SORCS3: variants seen among roughly 807,000 people sequenced by gnomAD.
The protein encoded by SORCS3 is sortilin related VPS10 domain containing receptor 3.
SORCS3 carries 57 observed loss-of-function variants against 146.3 expected under a neutral mutation model. The ratio of observed to expected loss-of-function variants is 0.39; its 90% CI spans 0.31 to 0.49. SORCS3 has a LOEUF of 0.49. Among genes scored for constraint, SORCS3 ranks in the 20% least tolerant of loss-of-function variants. The probability of loss-of-function intolerance (pLI) is 0.92; values close to 1 mark genes in which losing one functional copy is unlikely to be tolerated. For synonymous variants in SORCS3, 653 were observed against 618.5 expected (o/e 1.06, Z -0.83); for missense variants, 1,341 against 1,575.5 (o/e 0.85, Z 2.52).
chr10:105,129,333 T>TCTC (rs768332557), intron 7 of SORCS3, among the ~76,000 whole-genome samples: 2,527 of 60,160 alleles, frequency 0.042, 94 homozygotes, highest in East Asian at 0.25. Flanking sequence ...TTCTTTCTCT[T>TCTC]TTTTTTTTTT....
intron 1 of SORCS3, among the ~76,000 whole-genome samples, chr10:104,742,165 A>T (rs2016855534): frequency 6.6e-6 from 1 of 152,106 alleles, no homozygotes; most frequent in African/African-American, 2.4e-5. Flanking sequence ...AAGTTAGTTT[A>T]GATTGACACC....
chr10:104,655,528 A>C (rs1411228800), intron 1 of SORCS3, among the ~76,000 whole-genome samples: 8 of 152,190 alleles, frequency 5.3e-5, no homozygotes, highest in African/African-American at 1.9e-4. Flanking sequence ...TTTCTTTAAA[A>C]AAATTTAAAA....
At chr10:104,779,741 T>C (rs1230343938) in intron 1 of SORCS3, among the ~76,000 whole-genome samples, 1 of 152,074 alleles carries the variant, frequency 6.6e-6, no homozygotes, top group East Asian at 1.9e-4. Context: ...GATCAACATA[T>C]TCCCAGAGCT....
At chr10:105,153,688 G>A (rs901509282) in intron 9 of SORCS3, among the ~76,000 whole-genome samples, 1 of 151,216 alleles carries the variant, frequency 6.6e-6, no homozygotes, top group African/African-American at 2.4e-5. Context: ...TAGCTGTTCC[G>A]ATGGGGATTT....
chr10:104,769,018 T>C (rs1345023222), intron 1 of SORCS3, among the ~76,000 whole-genome samples: 1 of 152,224 alleles, frequency 6.6e-6, no homozygotes, highest in African/African-American at 2.4e-5. Context: ...CTTCACTTTG[T>C]TTCTTCCTTG....
chr10:104,688,693 C>G (rs1369040902), intron 1 of SORCS3, among the ~76,000 whole-genome samples: 1 of 152,144 alleles, frequency 6.6e-6, no homozygotes, highest in Non-Finnish European at 1.5e-5. Context: ...TTTTCACCCT[C>G]TCTCTCAGAT....
intron 2 of SORCS3, among the ~76,000 whole-genome samples, chr10:104,910,634 T>C (rs2018957116): frequency 2.6e-5 from 4 of 152,246 alleles, no homozygotes. Context: ...AAAAAGGTTA[T>C]GTGTTGTTTA....
chr10:105,042,532 A>C (rs372346407), intron 4 of SORCS3, among the ~76,000 whole-genome samples: 11 of 152,278 alleles, frequency 7.2e-5, no homozygotes, highest in Admixed American at 3.9e-4. Flanking sequence ...CAGACTCTAC[A>C]TTCAAAAAGT....
intron 3 of SORCS3, among the ~76,000 whole-genome samples, chr10:104,922,853 A>G (rs145553046): frequency 5.1e-4 from 77 of 152,166 alleles, no homozygotes; most frequent in African/African-American, 1.8e-3. Context: ...CACTTCGTAG[A>G]CTCTCTTGCT....
intron 8 of SORCS3, among the ~76,000 whole-genome samples, chr10:105,142,184 T>C (rs2056099774): frequency 6.6e-6 from 1 of 152,170 alleles, no homozygotes. Flanking sequence ...CTCTAATAAA[T>C]TGTTTCTACA....
intron 3 of SORCS3, among the ~76,000 whole-genome samples, chr10:104,920,688 AT>A (rs2019078308): frequency 6.6e-6 from 1 of 152,236 alleles, no homozygotes; most frequent in African/African-American, 2.4e-5. Flanking sequence ...GGTAGCTGAG[AT>A]TTAGACTGGG....
chr10:105,023,947 A>C (rs1780817989), intron 4 of SORCS3, among the ~76,000 whole-genome samples: 2 of 152,164 alleles, frequency 1.3e-5, no homozygotes, highest in African/African-American at 4.8e-5. Flanking sequence ...ACAGGAGGGC[A>C]AGATCACATG....
chr10:104,805,283 G>A (rs2017668473), intron 1 of SORCS3, among the ~76,000 whole-genome samples: 4 of 152,218 alleles, frequency 2.6e-5, no homozygotes, highest in Non-Finnish European at 5.9e-5. Flanking sequence ...AAGGGCCTGG[G>A]AAGCTTTCAT....
At chr10:105,222,516 C>G (rs2056709997) in intron 19 of SORCS3, among the ~76,000 whole-genome samples, 1 of 152,088 alleles carries the variant, frequency 6.6e-6, no homozygotes, top group African/African-American at 2.4e-5. Context: ...AAATAAGAAG[C>G]TTGGTTACCT....
intron 3 of SORCS3, among the ~76,000 whole-genome samples, chr10:104,942,693 ATAATCT>A (rs1452659263): frequency 3.3e-5 from 5 of 152,254 alleles, no homozygotes; most frequent in African/African-American, 9.6e-5. Flanking sequence ...AAATCATGTG[ATAATCT>A]TAAGCAATGC....
At chr10:105,201,462 G>C (rs540346300) in intron 16 of SORCS3, among the ~76,000 whole-genome samples, 17 of 152,202 alleles carry the variant, frequency 1.1e-4, no homozygotes, top group African/African-American at 4.1e-4. Flanking sequence ...TTTTCACAGA[G>C]AGAGTCACTG....
chr10:104,900,665 C>T (rs1428721082), intron 2 of SORCS3, among the ~76,000 whole-genome samples: 16 of 151,826 alleles, frequency 1.1e-4, no homozygotes, highest in Admixed American at 5.2e-4. Context: ...CCGAGGTGGG[C>T]GGATCATGAG....
intron 2 of SORCS3, among the ~76,000 whole-genome samples, chr10:104,912,980 G>C (rs978079405): frequency 1.5e-4 from 23 of 152,160 alleles, no homozygotes; most frequent in African/African-American, 5.3e-4. Context: ...CGGACAAGGA[G>C]ATGATGCGTA....
At chr10:104,710,102 A>G (rs891959775) in intron 1 of SORCS3, among the ~76,000 whole-genome samples, 1 of 151,632 alleles carries the variant, frequency 6.6e-6, no homozygotes, top group African/African-American at 2.4e-5. Flanking sequence ...TTTTGTTGCA[A>G]CTCTTTAACA....
Sources: gnomAD v4.1 joint callset for allele counts (sites outside exome capture counted in the v4.1 genomes callset) on GRCh38, gnomAD v4.1.1 for gene constraint, MANE v1.5 for transcripts, NCBI Gene and HGNC (gene_info 2026-07-23, HGNC 2026-07-21) for gene names.